Variants in PRKAR2B observed in about 807,000 individuals in gnomAD.
The protein encoded by PRKAR2B is cAMP-dependent protein kinase type II-beta regulatory subunit.
In PRKAR2B, 14 loss-of-function variants were observed where a neutral mutation model predicts 49.9. The ratio of observed to expected loss-of-function variants is 0.28; its 90% CI spans 0.19 to 0.44. The LOEUF (loss-of-function observed/expected upper bound fraction) is 0.44. Among genes scored for constraint, PRKAR2B ranks in the 20% least tolerant of loss-of-function variants. The pLI, the probability that PRKAR2B is intolerant of heterozygous loss-of-function variation, is 1.00. For missense variants in PRKAR2B, 393 were observed against 537.9 expected, an observed-to-expected ratio of 0.73 and a Z score of 2.67; for synonymous variants, 196 against 197.7, an observed-to-expected ratio of 0.99 and a Z score of 0.07.
chr7:107,140,479 T>A (rs1178623037), intron 4 of PRKAR2B, among the ~76,000 whole-genome samples: 2 of 152,220 alleles, frequency 1.3e-5, no homozygotes, highest in African/African-American at 4.8e-5. Flanking sequence ...TTTTTAAAAA[T>A]GGGTATCTTT....
chr7:107,057,404 C>CT (rs1793937138), intron 1 of PRKAR2B, among the ~76,000 whole-genome samples: 2 of 151,688 alleles, frequency 1.3e-5, no homozygotes, highest in African/African-American at 4.8e-5. Flanking sequence ...TAAACGTGGT[C>CT]ACTAGAGCTC....
chr7:107,129,624 G>A (rs1429368515), intron 4 of PRKAR2B, among the ~76,000 whole-genome samples: 1 of 152,126 alleles, frequency 6.6e-6, no homozygotes, highest in Non-Finnish European at 1.5e-5. Context: ...TGAATTCAGG[G>A]TGAGTCTGTA....
chr7:107,161,511 A>C lies in PRKAR2B; in HGVS notation c.*1929A>C, dbSNP rs1427042109. 1 of 152,440 alleles carries C rather than the reference A, an allele frequency of 6.6e-6. No individual in the cohort carries two copies. The highest frequency in any genetic ancestry group is 1.5e-5 in the Non-Finnish European group (1 of 67,864). 9.4% of individuals were successfully genotyped at this position (152,440 alleles called of 1,614,324 possible). ...CACACTTTTATAATAAAATACATGAATTATTGTTTTTCATACTTTTTTGCT... is the reference window on the plus strand; with the variant it reads ...CACACTTTTATAATAAAATACATGACTTATTGTTTTTCATACTTTTTTGCT... On this transcript the variant is annotated 3_prime_UTR_variant, in exon 11 of 11. Transcript: ENST00000265717.
intron 2 of PRKAR2B, among the ~76,000 whole-genome samples, chr7:107,113,314 A>G (rs1473664197): frequency 1.3e-5 from 2 of 152,234 alleles, no homozygotes; most frequent in African/African-American, 4.8e-5. Flanking sequence ...TGATCGTATT[A>G]TCTAAACAAT....
At chr7:107,123,093 A>G (rs557290707) in intron 3 of PRKAR2B, among the ~76,000 whole-genome samples, 7 of 152,244 alleles carry the variant, frequency 4.6e-5, no homozygotes, top group Non-Finnish European at 7.3e-5. Context: ...CCGGGTGGCA[A>G]TGAAGACAAC....
At chr7:107,073,832 G>A (rs781595808) in intron 2 of PRKAR2B, among the ~76,000 whole-genome samples, 13 of 152,144 alleles carry the variant, frequency 8.5e-5, no homozygotes, top group Non-Finnish European at 1.6e-4. Flanking sequence ...AGGCCGTGGT[G>A]GGCGGATCAC....
rs75985547 is a variant in PRKAR2B, at chr7:107,049,772, T to C, written c.307+4558T>C. Among the ~76,000 whole-genome samples the C allele has an allele frequency of 1.7e-3, 260 of 152,332 alleles. 1 individual carries two copies. The East Asian group carries it at 0.018, about 10-fold the overall frequency. ...ATAAAATCCATATCTTTTCAGCTCA[T>C]AATTTGTAGCTAAGAGCTCCAGGAT... On this transcript the variant is annotated intron_variant, in intron 1 of 10. Transcript: ENST00000265717.
chr7:107,127,902 A>G (rs1795527474), intron 3 of PRKAR2B, among the ~76,000 whole-genome samples: 1 of 152,200 alleles, frequency 6.6e-6, no homozygotes, highest in South Asian at 2.1e-4. Flanking sequence ...GAATCTTCCT[A>G]GCCAGTCACA....
At chr7:107,134,087 G>A (rs531816785) in intron 4 of PRKAR2B, among the ~76,000 whole-genome samples, 13 of 152,008 alleles carry the variant, frequency 8.6e-5, no homozygotes, top group African/African-American at 2.4e-4. Context: ...GGAGTGTAGT[G>A]GCACGATCAT....
chr7:107,089,953 A>T (rs1794704030), intron 2 of PRKAR2B, among the ~76,000 whole-genome samples: 1 of 152,204 alleles, frequency 6.6e-6, no homozygotes, highest in African/African-American at 2.4e-5. Flanking sequence ...CAACTTTCTT[A>T]TCAATGACTG....
intron 3 of PRKAR2B, 142 bp downstream of exon 3, chr7:107,122,146 C>T (rs900938876): frequency 3.5e-5 from 17 of 480,384 alleles, no homozygotes; most frequent in African/African-American, 8.0e-5. Flanking sequence ...TTCCTAGTCT[C>T]ATCTCCAATA....
At chr7:107,049,770 C>T (rs1040652850) in intron 1 of PRKAR2B, among the ~76,000 whole-genome samples, 2 of 152,070 alleles carry the variant, frequency 1.3e-5, no homozygotes, top group Admixed American at 1.3e-4. Context: ...CTTTTCAGCT[C>T]ATAATTTGTA....
intron 2 of PRKAR2B, among the ~76,000 whole-genome samples, chr7:107,084,915 A>G (rs1794588503): frequency 6.6e-6 from 1 of 151,916 alleles, no homozygotes; most frequent in Admixed American, 6.6e-5. Context: ...GTGAGCCACC[A>G]CGCCCGGCCT....
intron 3 of PRKAR2B, 54 bp from the exon 4 acceptor site, chr7:107,128,158 G>T: frequency 8.9e-7 from 1 of 1,129,024 alleles, no homozygotes; most frequent in South Asian, 1.3e-5. Flanking sequence ...AAATCTCTTT[G>T]AGTGAGATGG....
intron 2 of PRKAR2B, among the ~76,000 whole-genome samples, chr7:107,113,335 G>A (rs1294923760): frequency 6.6e-6 from 1 of 152,188 alleles, no homozygotes; most frequent in Non-Finnish European, 1.5e-5. Context: ...TAGAGCATTG[G>A]CACAAATTCT....
chr7:107,144,208 C>A (rs1191570267), intron 5 of PRKAR2B, among the ~76,000 whole-genome samples: 1 of 151,878 alleles, frequency 6.6e-6, no homozygotes, highest in Non-Finnish European at 1.5e-5. Flanking sequence ...TCCTCAACCT[C>A]CCGAGTAGCT....
At position 107,145,007 on chromosome 7, in the gene PRKAR2B, A is replaced by G. The variant is rs1010843860; in HGVS notation, c.588-1301A>G. Among the ~76,000 whole-genome samples, 4 of 152,146 alleles carry G rather than the reference A, an allele frequency of 2.6e-5. No individual in the cohort carries two copies. The South Asian group carries it at 6.2e-4, about 24-fold the overall frequency. Reference sequence around the variant, plus strand: ...ATAGGGTCTGGGTAATAGGAAGTGCAGTGACATGCAAACTGAACCTTATTT... The same window carrying G: ...ATAGGGTCTGGGTAATAGGAAGTGCGGTGACATGCAAACTGAACCTTATTT... On this transcript the variant is annotated intron_variant, in intron 5 of 10. Coordinates refer to ENST00000265717, the MANE Select transcript of PRKAR2B (RefSeq NM_002736.3).
chr7:107,102,158 G>C (rs546219990), intron 2 of PRKAR2B, among the ~76,000 whole-genome samples: 13 of 152,130 alleles, frequency 8.5e-5, no homozygotes, highest in Non-Finnish European at 1.5e-4. Context: ...AGTGAGCTGA[G>C]ATTGCACCAC....
intron 2 of PRKAR2B, among the ~76,000 whole-genome samples, chr7:107,093,409 C>G (rs763401205): frequency 2.0e-5 from 3 of 152,098 alleles, no homozygotes; most frequent in Non-Finnish European, 4.4e-5. Context: ...AATAGCCAAC[C>G]TAATGGGTAT....
Sources: gnomAD v4.1 joint callset for allele counts (sites outside exome capture counted in the v4.1 genomes callset) on GRCh38, gnomAD v4.1.1 for gene constraint, MANE v1.5 for transcripts, NCBI Gene and HGNC (gene_info 2026-07-23, HGNC 2026-07-21) for gene names.